ORMDL1: variants seen among roughly 807,000 people sequenced by gnomAD.
ORMDL1 encodes ORM1-like protein 1.
In ORMDL1, 10 loss-of-function variants were observed where a neutral mutation model predicts 13.0. That is an observed-to-expected ratio of 0.77 (90% confidence interval 0.47 to 1.30). The LOEUF (loss-of-function observed/expected upper bound fraction) is 1.30, where lower values mean the gene tolerates loss of function less well. ORMDL1 is among the 50% of genes most tolerant of loss of function. The probability of loss-of-function intolerance (pLI) is 0.00; values close to 1 mark genes in which losing one functional copy is unlikely to be tolerated. For missense variants in ORMDL1, 171 were observed against 186.7 expected, an observed-to-expected ratio of 0.92 and a Z score of 0.49; for synonymous variants, 61 against 63.9, an observed-to-expected ratio of 0.95 and a Z score of 0.22.
downstream of ORMDL1, among the ~76,000 whole-genome samples, chr2:189,769,806 T>G (rs2047541244): frequency 6.6e-6 from 1 of 152,138 alleles, no homozygotes; most frequent in South Asian, 2.1e-4. Context: ...TCACTAGAAC[T>G]CCACAATAGT....
intron 3 of ORMDL1, among the ~76,000 whole-genome samples, chr2:189,778,608 G>C (rs1451079925): frequency 6.6e-6 from 1 of 151,924 alleles, no homozygotes; most frequent in Non-Finnish European, 1.5e-5. Flanking sequence ...AAATAGTAGA[G>C]ACTGGGCCGG....
intron 3 of ORMDL1, among the ~76,000 whole-genome samples, chr2:189,780,853 C>T (rs1195288169): frequency 6.6e-6 from 1 of 152,194 alleles, no homozygotes; most frequent in Non-Finnish European, 1.5e-5. Flanking sequence ...ATCATGTCTA[C>T]CAGCACATCA....
intron 1 of ORMDL1, chr2:189,783,498 C>G (rs958206668): frequency 6.6e-6 from 1 of 152,142 alleles, no homozygotes; most frequent in Non-Finnish European, 1.5e-5. Context: ...AGTTAGCATA[C>G]AGAGAGGAAT....
chr2:189,779,798 T>A (rs1034291989), intron 3 of ORMDL1, among the ~76,000 whole-genome samples: 5 of 152,170 alleles, frequency 3.3e-5, no homozygotes, highest in Non-Finnish European at 5.9e-5. Flanking sequence ...AAGTTGAGAG[T>A]AAAGCAGTAG....
intron 4 of ORMDL1, 110 bp downstream of exon 4, chr2:189,775,455 T>C: frequency 8.3e-7 from 1 of 1,203,508 alleles, no homozygotes. Flanking sequence ...AGGTGCTACT[T>C]ATTGATAGAA....
At chr2:189,780,182 ATAAT>A (rs147325944) in intron 3 of ORMDL1, among the ~76,000 whole-genome samples, 2,606 of 152,370 alleles carry the variant, frequency 0.017, 73 homozygotes, top group African/African-American at 0.059. Context: ...AGTATCTTTA[ATAAT>A]TTTGTGCATG....
intron 4 of ORMDL1, chr2:189,775,032 A>C (rs1309095318): frequency 6.6e-6 from 1 of 152,360 alleles, no homozygotes; most frequent in African/African-American, 2.4e-5. Context: ...TGAATTAGGT[A>C]TCACTAGCTA....
At chr2:189,778,586 G>C (rs967765074) in intron 3 of ORMDL1, among the ~76,000 whole-genome samples, 17 of 152,014 alleles carry the variant, frequency 1.1e-4, no homozygotes, top group African/African-American at 4.1e-4. Context: ...CAGGAAGGAG[G>C]GAGAGGTATT....
At chr2:189,764,293 A>G in the ORMDL1 span, 2 of 152,222 alleles carry the variant, frequency 1.3e-5, no homozygotes, top group African/African-American at 4.8e-5. Context: ...CACATCAGGT[A>G]TTATTTTTCT....
chr2:189,779,193 A>C (rs2047767404), intron 3 of ORMDL1, among the ~76,000 whole-genome samples: 1 of 152,058 alleles, frequency 6.6e-6, no homozygotes, highest in Non-Finnish European at 1.5e-5. Context: ...GAAAAACAAA[A>C]TGGCTGGGCA....
In ORMDL1 at chr2:189,782,438, T is replaced by C. The variant is rs1192232103; in HGVS notation, c.158A>G (p.Asn53Ser). The C allele has an allele frequency of 6.2e-7, 1 of 1,613,468 alleles. No homozygotes were observed. The highest frequency in any genetic ancestry group is 1.3e-5 in the African/African-American group (1 of 74,914). ...FSVPVAWTLT[N>S]IIHNLGMYVF... ...AATTCTTACCAGATTATGTATAATA[T>C]TTGTTAAAGTCCAAGCAACAGGAAC... The change falls in exon 3 of 5, where the codon AAT becomes AGT. Residue 53 changes from asparagine (N) to serine (S), a missense_variant. Coordinates refer to ENST00000392349, the MANE Select transcript of ORMDL1 (RefSeq NM_016467.5).
At chr2:189,770,091 G>A (rs2047545983), downstream of ORMDL1, among the ~76,000 whole-genome samples, 1 of 152,078 alleles carries the variant, frequency 6.6e-6, no homozygotes, top group Non-Finnish European at 1.5e-5. Flanking sequence ...AATATCTACT[G>A]AGTAAATATT....
chr2:189,771,681 A>G lies in ORMDL1; in HGVS notation c.*86T>C, dbSNP rs115560698. On this transcript the variant is annotated 3_prime_UTR_variant, in exon 5 of 5. Coordinates refer to ENST00000392349, the MANE Select transcript of ORMDL1 (RefSeq NM_016467.5). ...ATGTAAATACTTCTCATTTCACATT[A>G]TCACAGAAACAGTGCAGTTTACTAA... 3.5e-4 allele frequency: 422 copies of G among 1,193,498 alleles called. 2 individuals are homozygous for G. The African/African-American group carries it at 5.8e-3, about 16-fold the overall frequency. The allele number at this position is 1,193,498 out of a possible 1,614,324, so 73.9% of individuals were successfully genotyped here. A position where few individuals can be genotyped will look rare whatever the true frequency, so the allele number is the denominator to read the frequency against.
In ORMDL1 at chr2:189,781,212, C is replaced by T. The variant is rs190428713; in HGVS notation, c.174+1210G>A. 3.3e-5 allele frequency among the ~76,000 whole-genome samples: 5 copies of T among 152,190 alleles called. No individual in the cohort carries two copies. In the East Asian group the frequency reaches 9.7e-4, roughly 29 times the overall value. ...CACTGGGATTACAGGCATGAGCCAC[C>T]GTGACTGGCCAAAATAAATATTAAT... On this transcript the variant is annotated intron_variant, in intron 3 of 4. Transcript: ENST00000392349.
chr2:189,770,764 T>G lies in ORMDL1; in HGVS notation c.*1003A>C, dbSNP rs1302740988. 6.6e-6 allele frequency: 1 copy of G among 152,048 alleles called. No individual in the cohort carries two copies. Among genetic ancestry groups the G allele is most frequent in the African/African-American group, 2.4e-5 (1 of 41,406 alleles). 9.4% of individuals were successfully genotyped at this position (152,048 alleles called of 1,614,324 possible). A position where few individuals can be genotyped will look rare whatever the true frequency, so the allele number is the denominator to read the frequency against. On this transcript the variant is annotated 3_prime_UTR_variant, in exon 5 of 5. Coordinates refer to ENST00000392349, the MANE Select transcript of ORMDL1 (RefSeq NM_016467.5). Reference sequence around the variant, plus strand: ...CGTATTCAAAGGCAAAATATGGGGGTTGAGAGCAGGAGGACTAAGAAAAGA... The same window carrying G: ...CGTATTCAAAGGCAAAATATGGGGGGTGAGAGCAGGAGGACTAAGAAAAGA...
chr2:189,772,199 CTG>C (rs1366881699), intron 4 of ORMDL1, among the ~76,000 whole-genome samples: 3 of 152,112 alleles, frequency 2.0e-5, no homozygotes, highest in Non-Finnish European at 2.9e-5. Context: ...CATATGCCCT[CTG>C]TAATTACAGG....
intron 3 of ORMDL1, among the ~76,000 whole-genome samples, chr2:189,781,808 ATGGG>A (rs1467954511): frequency 1.3e-5 from 2 of 152,218 alleles, no homozygotes. Flanking sequence ...TACACTTTAA[ATGGG>A]TGGATTTTAT....
downstream of ORMDL1, among the ~76,000 whole-genome samples, chr2:189,766,346 A>C (rs2047482714): frequency 6.6e-6 from 1 of 152,234 alleles, no homozygotes. Flanking sequence ...AAAGGAACTA[A>C]GTACATTCAC....
At chr2:189,775,189 A>G (rs3791767) in intron 4 of ORMDL1, 1 of 156,358 alleles carries the variant, frequency 6.4e-6, no homozygotes, top group Admixed American at 6.4e-5. Context: ...ATAGGTGGCC[A>G]GTGAAATTCT....
Sources: gnomAD v4.1 joint callset for allele counts (sites outside exome capture counted in the v4.1 genomes callset) on GRCh38, gnomAD v4.1.1 for gene constraint, MANE v1.5 for transcripts, NCBI Gene and HGNC (gene_info 2026-07-23, HGNC 2026-07-21) for gene names.